MOK: variants seen among roughly 807,000 people sequenced by gnomAD.
The protein encoded by MOK is MOK protein kinase.
MOK carries 59 observed loss-of-function variants against 54.2 expected under a neutral mutation model. The observed-to-expected ratio is 1.09, with a 90% CI of 0.88 to 1.35. MOK has a LOEUF of 1.35. MOK is among the 40% of genes most tolerant of loss of function. The pLI is 0.00. For synonymous variants in MOK, 210 were observed against 202.7 expected (o/e 1.04, Z -0.31); for missense variants, 517 against 526.2 (o/e 0.98, Z 0.17).
In MOK at chr14:102,230,962, G is replaced by C. The variant is rs185475738; in HGVS notation, c.981+745C>G. The C allele has an allele frequency of 3.9e-5, 6 of 152,418 alleles. No individual in the cohort carries two copies. Among genetic ancestry groups the C allele is most frequent in the African/African-American group, 1.4e-4 (6 of 41,580 alleles). 9.4% of individuals were successfully genotyped at this position (152,418 alleles called of 1,614,324 possible). A position where few individuals can be genotyped will look rare whatever the true frequency, so the allele number is the denominator to read the frequency against. On this transcript the variant is annotated intron_variant, in intron 10 of 11. Coordinates refer to ENST00000361847, the MANE Select transcript of MOK (RefSeq NM_014226.3). This position sits in a 1 kb window ranked among gnomAD's most constrained non-coding sequence, Gnocchi z 4.1. ...AGCCTGGCTTTCTGGAGAGCAGCCT[G>C]ACTGCAGCTCTGGGTTCCCAGCTCC...
chr14:102,284,891 G>C (rs2069855897), intron 1 of MOK, among the ~76,000 whole-genome samples: 1 of 152,030 alleles, frequency 6.6e-6, no homozygotes, highest in Admixed American at 6.6e-5. Flanking sequence ...AGACCAGCCT[G>C]GCCAACATGC....
At chr14:102,222,968 G>C, downstream of MOK, 5 of 1,556,096 alleles carry the variant, frequency 3.2e-6, no homozygotes, top group Non-Finnish European at 4.4e-6. The surrounding 1 kb of genome is among the most constrained non-coding windows in gnomAD (Gnocchi z 4.4). Flanking sequence ...CCTGAGCCGT[G>C]CCAGCCGGCG....
the MOK span, among the ~76,000 whole-genome samples, chr14:102,217,468 A>C: frequency 6.6e-6 from 1 of 152,116 alleles, no homozygotes; most frequent in Non-Finnish European, 1.5e-5. Flanking sequence ...CATCTGGGCA[A>C]GTGTGGCCCC....
chr14:102,241,166 A>G (rs1370278741), intron 7 of MOK, among the ~76,000 whole-genome samples: 1 of 151,742 alleles, frequency 6.6e-6, no homozygotes, highest in Non-Finnish European at 1.5e-5. Context: ...ACTCATCCCA[A>G]ATCTTTCTTC....
intron 2 of MOK, among the ~76,000 whole-genome samples, chr14:102,267,292 G>A (rs8013900): frequency 0.12 from 17,870 of 152,256 alleles, 1,581 homozygotes; most frequent in African/African-American, 0.25. Flanking sequence ...GAGGCCAGGC[G>A]TGGTCGCTCA....
chr14:102,224,943 G>A, downstream of MOK: 2 of 383,650 alleles, frequency 5.2e-6, no homozygotes, highest in Admixed American at 3.2e-5. Flanking sequence ...TCATCTTAAA[G>A]TGTTGATTGC....
intron 1 of MOK, among the ~76,000 whole-genome samples, chr14:102,290,541 A>G (rs954457209): frequency 6.6e-6 from 1 of 152,112 alleles, no homozygotes; most frequent in Non-Finnish European, 1.5e-5. Flanking sequence ...GTATAAGTAA[A>G]TCGGTATATT....
downstream of MOK, among the ~76,000 whole-genome samples, chr14:102,222,316 T>C (rs1228385728): frequency 2.0e-5 from 3 of 151,910 alleles, no homozygotes; most frequent in Admixed American, 2.0e-4. The surrounding 1 kb of genome is among the most constrained non-coding windows in gnomAD (Gnocchi z 4.4). Context: ...AGCCAGGGGG[T>C]GCCACGGTCA....
At chr14:102,259,069 A>G (rs1470585581) in intron 4 of MOK, among the ~76,000 whole-genome samples, 1 of 139,122 alleles carries the variant, frequency 7.2e-6, no homozygotes, top group East Asian at 2.0e-4. Flanking sequence ...CCATCTCAAG[A>G]AAAAAAAAAA....
chr14:102,232,605 C>A lies in MOK; in HGVS notation c.796G>T (p.Val266Leu), dbSNP rs2064833652. 6.2e-7 allele frequency: 1 copy of A among 1,613,932 alleles called. No homozygotes were observed. The highest frequency in any genetic ancestry group is 2.2e-5 in the East Asian group (1 of 44,892). Residue 266 changes from valine to leucine, a missense_variant, in exon 9 of 12, where the codon GTG becomes TTG. Coordinates refer to ENST00000361847, the MANE Select transcript of MOK (RefSeq NM_014226.3). This position sits in a 1 kb window ranked among gnomAD's most constrained non-coding sequence, Gnocchi z 5.1. Reference sequence around the variant, plus strand: ...ATTCTCTCATCGGGATCATAGGCCACCATTGCGTGCAGGAGGGAGAGGCAT... The same window carrying A: ...ATTCTCTCATCGGGATCATAGGCCAACATTGCGTGCAGGAGGGAGAGGCAT... ...PQCLSLLHAM[V>L]AYDPDERIAA...
Position 102,269,867 on chromosome 14 carries a change from C to G in MOK, c.123-3955G>C, listed in dbSNP as rs943482140. ...CACCTTACTCCCATAATTGATTGAA[C>G]AATCTTTCAAAAAAATCAGTAAAGA... is the stretch of plus-strand genomic sequence containing the variant. On this transcript the variant is annotated intron_variant, in intron 2 of 11. Coordinates refer to ENST00000361847, the MANE Select transcript of MOK (RefSeq NM_014226.3). Among the ~76,000 whole-genome samples the G allele has an allele frequency of 1.8e-4, 27 of 152,166 alleles. 2 individuals carry two copies.
At position 102,268,042 on chromosome 14, in the gene MOK, A is replaced by G. The variant is rs183932068; in HGVS notation, c.123-2130T>C. Among the ~76,000 whole-genome samples, 225 of 152,308 alleles carry G rather than the reference A, an allele frequency of 1.5e-3. 5 individuals are homozygous for G. The highest frequency in any genetic ancestry group is 0.013 in the Admixed American group (199 of 15,290). On this transcript the variant is annotated intron_variant, in intron 2 of 11. Coordinates refer to ENST00000361847, the MANE Select transcript of MOK (RefSeq NM_014226.3). ...AGGTGGAAAGAGCAAGAAGCTAACA[A>G]GCTAGCAGTAGTTCCAATTTTTGAA...
Position 102,236,809 on chromosome 14 carries a change from A to C in MOK, c.591-3020T>G, listed in dbSNP as rs939406532. 2.0e-5 allele frequency among the ~76,000 whole-genome samples: 3 copies of C among 152,142 alleles called. No individual in the cohort carries two copies. Among genetic ancestry groups the C allele is most frequent in the Non-Finnish European group, 4.4e-5 (3 of 68,038 alleles). ...ACCAAAAAGGCTTACAGCCCATCAC[A>C]AACAAGCTCTGTTCACGCCGTCTTC... is the stretch of plus-strand genomic sequence containing the variant. On this transcript the variant is annotated intron_variant, in intron 7 of 11. Coordinates refer to ENST00000361847, the MANE Select transcript of MOK (RefSeq NM_014226.3). This position sits in a 1 kb window ranked among gnomAD's most constrained non-coding sequence, Gnocchi z 4.5.
intron 6 of MOK, among the ~76,000 whole-genome samples, chr14:102,251,291 G>A (rs749361578): frequency 5.3e-5 from 8 of 152,190 alleles, no homozygotes; most frequent in Non-Finnish European, 7.3e-5. Context: ...CACACTAGTC[G>A]TCTGTCCGGT....
At chr14:102,224,102 C>T (rs976240959), downstream of MOK, among the ~76,000 whole-genome samples, 4 of 140,730 alleles carry the variant, frequency 2.8e-5, no homozygotes, top group African/African-American at 1.1e-4. Context: ...AGTGCAGTGG[C>T]GCAATCTCGG....
chr14:102,298,663 G>C (rs541820624), intron 1 of MOK, among the ~76,000 whole-genome samples: 15 of 152,308 alleles, frequency 9.8e-5, no homozygotes, highest in African/African-American at 3.6e-4. Context: ...GATGTGGGTG[G>C]TGCCAGATAA....
In MOK at chr14:102,229,617, C is replaced by CA; in HGVS notation, c.1021_1022insT (p.Arg341LeufsTer62). On this transcript the variant is annotated frameshift_variant, in exon 11 of 12. Transcript: ENST00000361847. LOFTEE classifies it high-confidence loss of function. ...CAGTTCCATGACATAGGCCGGTCCT[C>CA]GTCTCTTGGGACGGTCCTCCTCTTG... is the stretch of plus-strand genomic sequence containing the variant. 2 of 1,614,088 alleles carry CA rather than the reference C, an allele frequency of 1.2e-6. No homozygotes were observed. The highest frequency in any genetic ancestry group is 1.7e-6 in the Non-Finnish European group (2 of 1,179,964).
Position 102,257,516 on chromosome 14 carries a change from G to A in MOK, c.284-5521C>T, listed in dbSNP as rs573691615. 1.1e-4 allele frequency among the ~76,000 whole-genome samples: 16 copies of A among 152,276 alleles called. No individual in the cohort carries two copies. In the East Asian group the frequency reaches 3.1e-3, roughly 29 times the overall value. On this transcript the variant is annotated intron_variant, in intron 4 of 11. Coordinates refer to ENST00000361847, the MANE Select transcript of MOK (RefSeq NM_014226.3). ...AGTTAATCAGAGAATAGGGGAGGCT[G>A]TTATTTGCAACTAAAAGGGAGAACC...
intron 4 of MOK, among the ~76,000 whole-genome samples, chr14:102,259,098 T>A (rs1266169458): frequency 6.6e-6 from 1 of 152,094 alleles, no homozygotes; most frequent in Non-Finnish European, 1.5e-5. Context: ...ATATACTCTT[T>A]CAATATAAAA....
Sources: allele counts gnomAD v4.1 joint callset (sites outside exome capture counted in the v4.1 genomes callset), GRCh38; gene constraint gnomAD v4.1.1; non-coding constraint Gnocchi (gnomAD v3.1); transcripts MANE v1.5; gene names NCBI Gene and HGNC (gene_info 2026-07-23, HGNC 2026-07-21).